SRGAP2: variants seen among roughly 807,000 people sequenced by gnomAD.
SRGAP2 encodes SLIT-ROBO Rho GTPase-activating protein 2.
A neutral mutation model predicts 57.2 loss-of-function variants in SRGAP2; 15 were observed. The observed-to-expected ratio is 0.26, with a 90% CI of 0.18 to 0.40. The LOEUF (loss-of-function observed/expected upper bound fraction) is 0.40, where lower values mean the gene tolerates loss of function less well. SRGAP2 is among the 10% of genes least tolerant of loss of function. The pLI is 1.00. For missense variants in SRGAP2, 520 were observed against 669.6 expected (o/e 0.78, Z 2.47); for synonymous variants, 249 against 248.0 (o/e 1.00, Z -0.04).
intron 10 of SRGAP2, among the ~76,000 whole-genome samples, chr1:206,412,029 G>A (rs781898456): frequency 6.6e-6 from 1 of 151,992 alleles, no homozygotes; most frequent in Admixed American, 6.6e-5. Context: ...CTCATTTTTC[G>A]GATGGAAAAA....
intron 5 of SRGAP2, among the ~76,000 whole-genome samples, chr1:206,391,676 T>G (rs1656987360): frequency 2.0e-5 from 3 of 149,046 alleles, no homozygotes; most frequent in Non-Finnish European, 4.4e-5. Flanking sequence ...TCTCTAATTC[T>G]CCATCTCAAA....
At chr1:206,394,392 G>A (rs1553352699) in intron 7 of SRGAP2, among the ~76,000 whole-genome samples, 2 of 152,160 alleles carry the variant, frequency 1.3e-5, no homozygotes, top group Non-Finnish European at 2.9e-5. Flanking sequence ...AGCTTCTCTT[G>A]CACAGAAGTG....
chr1:206,292,195 C>T (rs1341840821), intron 2 of SRGAP2, among the ~76,000 whole-genome samples: 2 of 152,174 alleles, frequency 1.3e-5, no homozygotes, highest in African/African-American at 4.8e-5. Context: ...TCCACTGGGG[C>T]AAGGAGGGAA....
At chr1:206,429,990 A>T (rs908262833) in intron 13 of SRGAP2, among the ~76,000 whole-genome samples, 172 bp from the exon 14 acceptor site, 1 of 152,246 alleles carries the variant, frequency 6.6e-6, no homozygotes. Flanking sequence ...GTAGCATTCC[A>T]TGTGGGTGGT....
intron 3 of SRGAP2, among the ~76,000 whole-genome samples, chr1:206,308,745 G>A (rs1223046356): frequency 2.6e-5 from 4 of 152,066 alleles, no homozygotes; most frequent in Admixed American, 2.6e-4. Context: ...CTTTATAACT[G>A]GTTTACTCCA....
chr1:206,279,844 C>T (rs1670627206), intron 2 of SRGAP2, among the ~76,000 whole-genome samples: 1 of 151,698 alleles, frequency 6.6e-6, no homozygotes, highest in African/African-American at 2.4e-5. Context: ...AGGAAGAAAT[C>T]GGCTGGTTGT....
chr1:206,361,321 G>T lies in SRGAP2; in HGVS notation c.423+18313G>T, dbSNP rs1468749171. On this transcript the variant is annotated intron_variant, in intron 4 of 22. Transcript: ENST00000573034. ...AGAAGGAATATAACAGGGTAAGCCTGAGACAGAGAATTAAAAACAAATTTA... is the reference window on the plus strand; with the variant it reads ...AGAAGGAATATAACAGGGTAAGCCTTAGACAGAGAATTAAAAACAAATTTA... Among the ~76,000 whole-genome samples, 4 of 150,638 alleles carry T rather than the reference G, an allele frequency of 2.7e-5. No homozygotes were observed. The South Asian group carries it at 8.5e-4, about 32-fold the overall frequency.
At chr1:206,302,328 C>T in intron 2 of SRGAP2, among the ~76,000 whole-genome samples, 1 of 152,048 alleles carries the variant, frequency 6.6e-6, no homozygotes, top group Non-Finnish European at 1.5e-5. Context: ...TTGTCAGTAA[C>T]AAATGCAGTG....
Position 206,309,928 on chromosome 1 carries a change from G to A in SRGAP2, c.260+6455G>A, listed in dbSNP as rs1672514280. On this transcript the variant is annotated intron_variant, in intron 3 of 22. Transcript: ENST00000573034. ...TTGGTAGTAAAAGTTACTATGAGGA[G>A]AAGCAAAAGCTACCTGAAGAGAGAG... Among the ~76,000 whole-genome samples, 2 of 151,108 alleles carry A rather than the reference G, an allele frequency of 1.3e-5. 1 individual carries two copies. The highest frequency in any genetic ancestry group is 4.9e-5 in the African/African-American group (2 of 40,504).
At chr1:206,427,309 C>A (rs1229502208) in intron 13 of SRGAP2, among the ~76,000 whole-genome samples, 1 of 152,136 alleles carries the variant, frequency 6.6e-6, no homozygotes, top group East Asian at 1.9e-4. Context: ...GAAGAGAAGA[C>A]AAAGATTCTT....
chr1:206,433,475 C>T (rs1176873805), intron 14 of SRGAP2, among the ~76,000 whole-genome samples: 3 of 152,014 alleles, frequency 2.0e-5, no homozygotes, highest in Admixed American at 2.0e-4. Flanking sequence ...CCTGTCTCTA[C>T]TAAAAATACA....
intron 11 of SRGAP2, among the ~76,000 whole-genome samples, chr1:206,418,881 A>ACTCTCT (rs146895320): frequency 4.1e-5 from 4 of 98,030 alleles, no homozygotes; most frequent in Non-Finnish European, 8.1e-5. Flanking sequence ...TCAGCCTCCA[A>ACTCTCT]CTCTCTCTGT....
At chr1:206,319,182 C>T (rs111390755) in intron 3 of SRGAP2, among the ~76,000 whole-genome samples, 303 of 126,636 alleles carry the variant, frequency 2.4e-3, no homozygotes, top group East Asian at 6.5e-3. Flanking sequence ...GAGGCCGAGG[C>T]GGGCGGATCA....
chr1:206,318,913 T>TG (rs1231818609), intron 3 of SRGAP2, among the ~76,000 whole-genome samples: 66 of 150,812 alleles, frequency 4.4e-4, no homozygotes, highest in East Asian at 1.6e-3. Context: ...ACATGAGATT[T>TG]GGGGGGGGAC....
intron 17 of SRGAP2, among the ~76,000 whole-genome samples, chr1:206,444,048 G>C (rs548592500): frequency 6.6e-6 from 1 of 152,036 alleles, no homozygotes; most frequent in African/African-American, 2.4e-5. Context: ...AAATTAGCCA[G>C]GCGTGGTGGT....
At position 206,301,198 on chromosome 1, in the gene SRGAP2, A is replaced by AT. The variant is rs1315068552; in HGVS notation, c.68-2073dup. Among the ~76,000 whole-genome samples, 854 of 148,794 alleles carry AT rather than the reference A, an allele frequency of 5.7e-3. 12 individuals are homozygous for AT. The highest frequency in any genetic ancestry group is 0.018 in the African/African-American group (737 of 40,598). On this transcript the variant is annotated intron_variant, in intron 2 of 22. Transcript: ENST00000573034. ...AGGCACCTGCCACCATGCCTGGCTAATTTTTTTTTTGTATTTTTAGTAGAG... is the reference window on the plus strand; with the variant it reads ...AGGCACCTGCCACCATGCCTGGCTAATTTTTTTTTTTGTATTTTTAGTAGAG...
intron 2 of SRGAP2, among the ~76,000 whole-genome samples, chr1:206,266,532 C>G (rs1317669028): frequency 6.6e-6 from 1 of 152,176 alleles, no homozygotes; most frequent in East Asian, 1.9e-4. Context: ...CATGAGCCAC[C>G]ACGCCCGACC....
At chr1:206,457,189 G>A (rs567973625) in intron 21 of SRGAP2, among the ~76,000 whole-genome samples, 1 of 151,986 alleles carries the variant, frequency 6.6e-6, no homozygotes, top group Non-Finnish European at 1.5e-5. Flanking sequence ...CCATGAGTCA[G>A]CTATCCTCAA....
intron 17 of SRGAP2, among the ~76,000 whole-genome samples, chr1:206,441,886 G>A (rs1467299928): frequency 6.6e-6 from 1 of 152,080 alleles, no homozygotes; most frequent in Non-Finnish European, 1.5e-5. Context: ...CATCACTCTT[G>A]TTTTGTGGTT....
Sources: gnomAD v4.1 joint callset for allele counts (sites outside exome capture counted in the v4.1 genomes callset) on GRCh38, gnomAD v4.1.1 for gene constraint, MANE v1.5 for transcripts, NCBI Gene and HGNC (gene_info 2026-07-23, HGNC 2026-07-21) for gene names.